Variants in TRAPPC9 observed in about 807,000 individuals in gnomAD.
TRAPPC9 encodes the protein IKK2 binding protein.
A neutral mutation model predicts 124.0 loss-of-function variants in TRAPPC9; 83 were observed. That is an observed-to-expected ratio of 0.67 (90% CI 0.56 to 0.80). The LOEUF (loss-of-function observed/expected upper bound fraction) is 0.80, where lower values mean the gene tolerates loss of function less well. Ranked by LOEUF, TRAPPC9 falls within the 30% of genes least tolerant of loss-of-function variation. The pLI is 0.00. For synonymous variants in TRAPPC9, 638 were observed against 617.5 expected, an observed-to-expected ratio of 1.03 and a Z score of -0.49; for missense variants, 1,302 against 1,508.3, an observed-to-expected ratio of 0.86 and a Z score of 2.27.
intron 8 of TRAPPC9, among the ~76,000 whole-genome samples, chr8:140,362,295 G>A (rs760594452): frequency 6.6e-6 from 1 of 152,124 alleles, no homozygotes; most frequent in African/African-American, 2.4e-5. Flanking sequence ...TGTTGCGGAC[G>A]TGCATACAGC....
chr8:140,315,233 C>CTTTTTTTTTT (rs61220260), intron 9 of TRAPPC9, among the ~76,000 whole-genome samples: 1 of 107,178 alleles, frequency 9.3e-6, no homozygotes, highest in African/African-American at 3.5e-5. Context: ...ATTTGTATGT[C>CTTTTTTTTTT]TTTTTTTTTT....
intron 21 of TRAPPC9, among the ~76,000 whole-genome samples, chr8:139,860,789 C>G (rs1463833487): frequency 6.6e-6 from 1 of 152,254 alleles, no homozygotes; most frequent in East Asian, 1.9e-4. Flanking sequence ...AGGGCAGCCT[C>G]TCTCCCAGGT....
intron 21 of TRAPPC9, among the ~76,000 whole-genome samples, chr8:139,882,785 C>T (rs574843484): frequency 1.3e-5 from 2 of 152,310 alleles, no homozygotes; most frequent in Non-Finnish European, 2.9e-5. Flanking sequence ...CAGCAGGCAT[C>T]ATCCCATTCC....
intron 5 of TRAPPC9, among the ~76,000 whole-genome samples, chr8:140,423,235 A>G (rs537973987): frequency 6.6e-6 from 1 of 152,052 alleles, no homozygotes; most frequent in Non-Finnish European, 1.5e-5. Flanking sequence ...TCAGGAGTTC[A>G]GGACCAGCCT....
At chr8:139,831,472 C>T (rs1825991578) in intron 21 of TRAPPC9, among the ~76,000 whole-genome samples, 1 of 152,218 alleles carries the variant, frequency 6.6e-6, no homozygotes, top group African/African-American at 2.4e-5. Flanking sequence ...CACACACACG[C>T]TCAGTCACAC....
At chr8:140,441,236 C>T (rs764585865) in intron 2 of TRAPPC9, among the ~76,000 whole-genome samples, 7 of 152,060 alleles carry the variant, frequency 4.6e-5, no homozygotes, top group Non-Finnish European at 8.8e-5. Flanking sequence ...TTGCCTCAGC[C>T]TCCCAAAGAG....
intron 21 of TRAPPC9, among the ~76,000 whole-genome samples, chr8:139,738,084 C>T (rs1275350090): frequency 6.6e-6 from 1 of 152,152 alleles, no homozygotes; most frequent in African/African-American, 2.4e-5. Flanking sequence ...ACTCTGACCA[C>T]GAGGGAGGCA....
intron 21 of TRAPPC9, among the ~76,000 whole-genome samples, chr8:139,840,615 C>T (rs1442725948): frequency 6.6e-6 from 1 of 152,242 alleles, no homozygotes; most frequent in Non-Finnish European, 1.5e-5. Flanking sequence ...CTTCAACACA[C>T]CAACGGGGAT....
chr8:140,285,970 C>G (rs2065472002), intron 13 of TRAPPC9, among the ~76,000 whole-genome samples: 1 of 152,228 alleles, frequency 6.6e-6, no homozygotes, highest in Admixed American at 6.5e-5. Context: ...TACTGTGTGC[C>G]AGGCTCCACA....
At chr8:140,122,023 T>TTCTTTCTCTC (rs776733761) in intron 17 of TRAPPC9, among the ~76,000 whole-genome samples, 11 of 138,434 alleles carry the variant, frequency 7.9e-5, no homozygotes, top group African/African-American at 2.9e-4. Flanking sequence ...CTTTCTTTCT[T>TTCTTTCTCTC]TCTCTCTCTC....
At chr8:140,443,538 T>C (rs2071123626) in intron 2 of TRAPPC9, among the ~76,000 whole-genome samples, 1 of 152,090 alleles carries the variant, frequency 6.6e-6, no homozygotes, top group African/African-American at 2.4e-5. Flanking sequence ...ACGTGCCTGA[T>C]GTAAATACAG....
intron 10 of TRAPPC9, 138 bp from the exon 11 acceptor site, chr8:140,300,752 G>T: frequency 1.0e-6 from 1 of 1,003,470 alleles, no homozygotes; most frequent in Non-Finnish European, 1.6e-6. Flanking sequence ...AAAGCACTCC[G>T]AGGCATCAGG....
Position 140,426,791 on chromosome 8 carries a change from A to T in TRAPPC9, c.860-150T>A, listed in dbSNP as rs141381829. Reference sequence around the variant, plus strand: ...AAGCAATTCTGAGGAACAGTATGTTACAAGTTTGGTGCCTTTTTGCTTCAG... The same window carrying T: ...AAGCAATTCTGAGGAACAGTATGTTTCAAGTTTGGTGCCTTTTTGCTTCAG... On this transcript the variant is annotated intron_variant, in intron 4 of 22. Transcript: ENST00000438773. 2.0e-3 allele frequency: 1,551 copies of T among 756,846 alleles called. 26 individuals are homozygous for T. The African/African-American group carries it at 0.025, about 12-fold the overall frequency. 46.9% of individuals were successfully genotyped at this position (756,846 alleles called of 1,614,324 possible).
chr8:139,791,332 C>CACAG (rs1314684508), intron 21 of TRAPPC9, among the ~76,000 whole-genome samples: 45 of 150,978 alleles, frequency 3.0e-4, no homozygotes, highest in Non-Finnish European at 5.8e-4. Flanking sequence ...CACAGACACA[C>CACAG]ACACGCTCAC....
rs1412819706 is a variant in TRAPPC9, at chr8:139,727,875, C to G, written c.*3186G>C. ...GGACTAACGGAGCATAGCAATGTGG[C>G]CTGTTAAGGGTTCCAGGAGAAGAAT... is the stretch of plus-strand genomic sequence containing the variant. On this transcript the variant is annotated 3_prime_UTR_variant, in exon 23 of 23. Transcript: ENST00000438773. Among the ~76,000 whole-genome samples the G allele has an allele frequency of 6.6e-6, 1 of 152,056 alleles. No individual in the cohort carries two copies. Among genetic ancestry groups the G allele is most frequent in the Non-Finnish European group, 1.5e-5 (1 of 68,026 alleles).
Position 140,226,072 on chromosome 8 carries a change from C to T in TRAPPC9, c.2432-4489G>A, listed in dbSNP as rs566851090. 1.2e-4 allele frequency among the ~76,000 whole-genome samples: 19 copies of T among 152,258 alleles called. No homozygotes were observed. In the South Asian group the frequency reaches 3.7e-3, roughly 30 times the overall value. ...TGGCTTTTGTCTGCCCAGCATTTCT[C>T]GTTTCTTTGGGGAGCAGCTCCTTCT... On this transcript the variant is annotated intron_variant, in intron 16 of 22. Coordinates refer to ENST00000438773, the MANE Select transcript of TRAPPC9 (RefSeq NM_001160372.4).
At chr8:139,775,710 C>A (rs749374040) in intron 21 of TRAPPC9, among the ~76,000 whole-genome samples, 6 of 152,228 alleles carry the variant, frequency 3.9e-5, no homozygotes, top group Non-Finnish European at 7.3e-5. Flanking sequence ...ACCCCGACAT[C>A]CCCCTAGCTG....
chr8:140,412,745 A>T (rs551996924), intron 5 of TRAPPC9, among the ~76,000 whole-genome samples: 3 of 152,244 alleles, frequency 2.0e-5, no homozygotes, highest in Non-Finnish European at 4.4e-5. Context: ...AATTATTTCA[A>T]AATCAACAGT....
chr8:140,371,849 AC>A (rs769403052), intron 7 of TRAPPC9, among the ~76,000 whole-genome samples: 10 of 151,982 alleles, frequency 6.6e-5, no homozygotes, highest in Non-Finnish European at 1.5e-4. Flanking sequence ...GATTACAAGC[AC>A]CCACCCCCAT....
Sources: allele counts gnomAD v4.1 joint callset (sites outside exome capture counted in the v4.1 genomes callset), GRCh38; gene constraint gnomAD v4.1.1; transcripts MANE v1.5; gene names NCBI Gene and HGNC (gene_info 2026-07-23, HGNC 2026-07-21).